CFAP54: variants seen among roughly 807,000 people sequenced by gnomAD.
The protein encoded by CFAP54 is cilia- and flagella-associated protein 54.
In CFAP54, 290 loss-of-function variants were observed where a neutral mutation model predicts 370.4. The ratio of observed to expected loss-of-function variants is 0.78; its 90% confidence interval spans 0.71 to 0.86. CFAP54 has a LOEUF of 0.86. Ranked by LOEUF, CFAP54 falls within the 40% of genes least tolerant of loss-of-function variation. The pLI is 0.00. For missense variants in CFAP54, 3,399 were observed against 3,528.7 expected (o/e 0.96, Z 0.93); for synonymous variants, 1,206 against 1,236.5 (o/e 0.98, Z 0.52).
At chr12:96,776,564 A>G (rs1958520120) in intron 60 of CFAP54, among the ~76,000 whole-genome samples, 1 of 152,218 alleles carries the variant, frequency 6.6e-6, no homozygotes, top group Admixed American at 6.5e-5. Flanking sequence ...TTTTTTAAAA[A>G]TCCAGCCTCA....
intron 32 of CFAP54, among the ~76,000 whole-genome samples, chr12:96,643,890 G>A (rs1311422624): frequency 6.6e-6 from 1 of 152,098 alleles, no homozygotes; most frequent in Middle Eastern, 3.2e-3. Context: ...GTAGCCTTTT[G>A]GTTATGAAAA....
chr12:96,815,852 G>C (rs533419919), intron 64 of CFAP54, among the ~76,000 whole-genome samples: 30 of 152,282 alleles, frequency 2.0e-4, no homozygotes, highest in African/African-American at 6.7e-4. Flanking sequence ...TGTCAGGTTT[G>C]TTGAAGATCA....
chr12:96,760,344 T>C (rs1388422964), intron 58 of CFAP54, among the ~76,000 whole-genome samples: 4 of 152,184 alleles, frequency 2.6e-5, no homozygotes, highest in African/African-American at 7.2e-5. Context: ...AGATGTTTAG[T>C]AAATTTACAG....
intron 63 of CFAP54, among the ~76,000 whole-genome samples, chr12:96,802,158 C>T (rs192479075): frequency 9.6e-4 from 146 of 152,196 alleles, no homozygotes; most frequent in African/African-American, 3.3e-3. Flanking sequence ...GACAAGAAAA[C>T]CAGTCTCTCC....
intron 65 of CFAP54, among the ~76,000 whole-genome samples, chr12:96,825,327 A>ATAACATGTTAC (rs1959078529): frequency 1.6e-5 from 2 of 125,646 alleles, no homozygotes; most frequent in African/African-American, 3.2e-5. Context: ...TATATATTAT[A>ATAACATGTTAC]TAACATGTTA....
At chr12:96,497,651 A>T (rs1954971137) in intron 1 of CFAP54, among the ~76,000 whole-genome samples, 1 of 152,208 alleles carries the variant, frequency 6.6e-6, no homozygotes. Context: ...AAAGACAAGC[A>T]CCTACAACAG....
At chr12:96,697,112 G>A (rs190349044) in intron 45 of CFAP54, among the ~76,000 whole-genome samples, 17 of 152,320 alleles carry the variant, frequency 1.1e-4, no homozygotes, top group African/African-American at 3.8e-4. Context: ...CTATATTTGT[G>A]TGAGTGAATG....
chr12:96,594,111 G>A (rs372658261), intron 24 of CFAP54, among the ~76,000 whole-genome samples, 180 bp from the exon 25 acceptor site: 6 of 152,008 alleles, frequency 3.9e-5, no homozygotes, highest in African/African-American at 1.4e-4. Context: ...TTCTAAGATC[G>A]TGCTATCTAT....
chr12:96,851,193 T>C (rs1391391056), intron 66 of CFAP54, among the ~76,000 whole-genome samples: 1 of 152,226 alleles, frequency 6.6e-6, no homozygotes, highest in African/African-American at 2.4e-5. Context: ...TTAATATTTA[T>C]GACATTGATG....
At chr12:96,648,657 C>T (rs779535017) in intron 34 of CFAP54, among the ~76,000 whole-genome samples, 12 of 136,554 alleles carry the variant, frequency 8.8e-5, no homozygotes, top group African/African-American at 2.7e-4. Context: ...GTGGCGATCT[C>T]GGCTGGCTGC....
rs552256875 is a variant in CFAP54, at chr12:96,623,907, C to T, written c.3886+26C>T. On this transcript the variant is annotated intron_variant, in intron 28 of 67. Transcript: ENST00000524981. ...GTAATCATTTGTTTTCTGTATACTT[C>T]CATTTAGCATTAAGTTTTTTAAAAC... 1.2e-4 allele frequency: 158 copies of T among 1,370,146 alleles called. 2 individuals are homozygous for T. In the South Asian group the frequency reaches 1.9e-3, roughly 17 times the overall value. 84.9% of individuals were successfully genotyped at this position (1,370,146 alleles called of 1,614,324 possible).
chr12:96,736,455 T>C (rs994289809), intron 50 of CFAP54, among the ~76,000 whole-genome samples: 3 of 151,976 alleles, frequency 2.0e-5, no homozygotes, highest in Non-Finnish European at 4.4e-5. Flanking sequence ...GGAGGCAGGG[T>C]CATGAAAGAA....
At chr12:96,531,157 A>G (rs1255215498) in intron 9 of CFAP54, among the ~76,000 whole-genome samples, 1 of 152,044 alleles carries the variant, frequency 6.6e-6, no homozygotes, top group African/African-American at 2.4e-5. Flanking sequence ...GCTTCTTTCT[A>G]AATTCATTTC....
At chr12:96,582,341 A>G (rs1592862736) in intron 22 of CFAP54, among the ~76,000 whole-genome samples, 3 of 152,302 alleles carry the variant, frequency 2.0e-5, no homozygotes, top group Non-Finnish European at 2.9e-5. Context: ...ATAGGTCTCA[A>G]GTATCTAATT....
chr12:96,817,972 G>A, intron 65 of CFAP54, 59 bp downstream of exon 65: 6 of 1,197,424 alleles, frequency 5.0e-6, no homozygotes, highest in Non-Finnish European at 6.6e-6. Context: ...TATCCTCAAA[G>A]CAGAACTATG....
At chr12:96,834,001 A>T (rs749701053) in intron 66 of CFAP54, among the ~76,000 whole-genome samples, 1 of 152,212 alleles carries the variant, frequency 6.6e-6, no homozygotes, top group Non-Finnish European at 1.5e-5. Context: ...TCACAGCTTG[A>T]TAAAAGTAGA....
chr12:96,661,006 A>G (rs757236880), intron 38 of CFAP54, among the ~76,000 whole-genome samples: 15 of 152,284 alleles, frequency 9.9e-5, no homozygotes, highest in Admixed American at 2.0e-4. Flanking sequence ...CAGAGCTTTC[A>G]TGGATCCACC....
Position 96,658,088 on chromosome 12 carries a change from G to T in CFAP54, c.5307G>T (p.Gln1769His). Residue 1769 changes from glutamine to histidine, a missense_variant, in exon 37 of 68, where the codon CAG becomes CAT. Gln to His is a conservative substitution (Grantham distance 24, BLOSUM62 0). Coordinates refer to ENST00000524981, the MANE Select transcript of CFAP54 (RefSeq NM_001306084.2). ...KWETLVSLAI[Q>H]FNTVSHERYT... The stretch of plus-strand genomic sequence containing the variant: ...AAACACTAGTATCTCTTGCCATTCA[G>T]TTCAATACAGTTTCACAGTAAGTAC... The T allele has an allele frequency of 6.2e-7, 1 of 1,612,398 alleles. No individual in the cohort carries two copies. Among genetic ancestry groups the T allele is most frequent in the African/African-American group, 1.3e-5 (1 of 74,780 alleles).
chr12:96,627,416 G>T (rs1459734501), intron 30 of CFAP54, among the ~76,000 whole-genome samples: 1 of 152,150 alleles, frequency 6.6e-6, no homozygotes, highest in Non-Finnish European at 1.5e-5. Flanking sequence ...GATTCTCTTT[G>T]CTCCCAAATA....
Sources: allele counts gnomAD v4.1 joint callset (sites outside exome capture counted in the v4.1 genomes callset), GRCh38; gene constraint gnomAD v4.1.1; transcripts MANE v1.5; gene names NCBI Gene and HGNC (gene_info 2026-07-23, HGNC 2026-07-21).